Variants in FYB2 observed in about 807,000 individuals in gnomAD.
The protein encoded by FYB2 is FYN binding protein 2.
Under a neutral mutation model 94.1 loss-of-function variants are expected in FYB2, and 103 were observed. The ratio of observed to expected loss-of-function variants is 1.09; its 90% CI spans 0.93 to 1.29. FYB2 has a LOEUF of 1.29. FYB2 is among the 50% of genes most tolerant of loss of function. FYB2 has a pLI of 0.00. For missense variants in FYB2, 896 were observed against 841.5 expected, an observed-to-expected ratio of 1.06 and a Z score of -0.80; for synonymous variants, 293 against 287.9, an observed-to-expected ratio of 1.02 and a Z score of -0.18.
In FYB2 at chr1:56,753,705, C is replaced by T. The variant is rs186674759; in HGVS notation, c.1227+134G>A. 24 of 634,682 alleles carry T rather than the reference C, an allele frequency of 3.8e-5. No homozygotes were observed. In the Admixed American group the frequency reaches 6.4e-4, roughly 17 times the overall value. 39.3% of individuals were successfully genotyped at this position (634,682 alleles called of 1,614,324 possible). On this transcript the variant is annotated intron_variant, in intron 8 of 19. Coordinates refer to ENST00000343433, the MANE Select transcript of FYB2 (RefSeq NM_001004303.5). ...TTAGTGTCATTGTTACATTTATTTCCTTGATACAATATCAAATGCCCATTG... is the reference window on the plus strand; with the variant it reads ...TTAGTGTCATTGTTACATTTATTTCTTTGATACAATATCAAATGCCCATTG...
intron 15 of FYB2, among the ~76,000 whole-genome samples, chr1:56,731,653 G>C (rs17114239): frequency 0.017 from 2,586 of 152,132 alleles, 74 homozygotes; most frequent in African/African-American, 0.059. Flanking sequence ...CAGACCACCA[G>C]GAACATGCCT....
chr1:56,738,647 A>C lies in FYB2; in HGVS notation c.1710T>G (p.Phe570Leu). The change falls in exon 14 of 20, where the codon TTT becomes TTG. Residue 570 changes from phenylalanine to leucine, a missense_variant. By Grantham distance (22) the Phe-to-Leu change is conservative. Transcript: ENST00000343433. ...TACCTAAATCAGGCAGCAAAATGGA[A>C]AATGCACTGTTGATTGACAAAAGAC... ...KTKSKENLSA[F>L]SILLPDLELK... The C allele has an allele frequency of 6.2e-7, 1 of 1,611,010 alleles. No homozygotes were observed. Among genetic ancestry groups the C allele is most frequent in the Non-Finnish European group, 8.5e-7 (1 of 1,178,382 alleles).
chr1:56,733,627 G>A (rs1035275810), intron 15 of FYB2, among the ~76,000 whole-genome samples: 19 of 152,106 alleles, frequency 1.2e-4, no homozygotes, highest in East Asian at 3.9e-4. Context: ...ATTCTGGTAC[G>A]TTGTGTCTTT....
At chr1:56,811,764 CA>C (rs5774305) in intron 1 of FYB2, among the ~76,000 whole-genome samples, 29,984 of 151,854 alleles carry the variant, frequency 0.2, 3,264 homozygotes, top group East Asian at 0.45. Context: ...ACCAAACAAA[CA>C]AACAAACAAA....
intron 15 of FYB2, among the ~76,000 whole-genome samples, chr1:56,728,794 G>A (rs933529275): frequency 1.3e-5 from 2 of 152,070 alleles, no homozygotes; most frequent in Non-Finnish European, 2.9e-5. Flanking sequence ...AAATTCCAAT[G>A]TGTAATTATA....
the FYB2 span, among the ~76,000 whole-genome samples, chr1:56,826,407 G>T: frequency 6.6e-6 from 1 of 152,170 alleles, no homozygotes; most frequent in Admixed American, 6.5e-5. Context: ...TCAGCCCCTT[G>T]GTGCTTCTCC....
At chr1:56,742,122 A>G (rs755450292) in intron 12 of FYB2, 39 bp downstream of exon 12, 28 of 1,551,160 alleles carry the variant, frequency 1.8e-5, no homozygotes, top group Non-Finnish European at 2.1e-5. Context: ...ACTAACAGGA[A>G]GTCATTAGCC....
intron 17 of FYB2, 156 bp from the exon 18 acceptor site, chr1:56,720,485 C>T (rs1304123017): frequency 5.4e-6 from 3 of 554,768 alleles, no homozygotes; most frequent in Non-Finnish European, 8.4e-6. Context: ...GGAAAGTATG[C>T]AGTTAAAGGA....
upstream of FYB2, among the ~76,000 whole-genome samples, chr1:56,822,690 A>C (rs187991441): frequency 2.2e-4 from 34 of 151,970 alleles, 1 homozygote; most frequent in Admixed American, 1.9e-3. Context: ...TCTCTCAGCA[A>C]ACATATTACT....
intron 5 of FYB2, among the ~76,000 whole-genome samples, chr1:56,762,824 G>C (rs1482178139): frequency 1.3e-5 from 2 of 152,176 alleles, no homozygotes; most frequent in Non-Finnish European, 2.9e-5. Flanking sequence ...CCGGTAGTAG[G>C]GGAAAAGCAT....
chr1:56,739,992 C>T (rs774468682), intron 13 of FYB2, among the ~76,000 whole-genome samples: 10 of 152,054 alleles, frequency 6.6e-5, no homozygotes, highest in African/African-American at 9.7e-5. Context: ...GCCTGCAAAG[C>T]GTCTCCAGGG....
upstream of FYB2, among the ~76,000 whole-genome samples, chr1:56,822,268 G>T (rs1382615341): frequency 6.6e-6 from 1 of 152,194 alleles, no homozygotes; most frequent in Non-Finnish European, 1.5e-5. Context: ...ATCCAGGAAG[G>T]CTGACTTCAG....
chr1:56,731,439 C>T (rs1644707870), intron 15 of FYB2, among the ~76,000 whole-genome samples: 1 of 152,092 alleles, frequency 6.6e-6, no homozygotes, highest in African/African-American at 2.4e-5. Flanking sequence ...TTCTGCCTCC[C>T]AAAGAGCTAG....
At chr1:56,768,498 T>C (rs1280278578) in intron 4 of FYB2, among the ~76,000 whole-genome samples, 2 of 151,998 alleles carry the variant, frequency 1.3e-5, no homozygotes, top group African/African-American at 4.8e-5. Context: ...ACTGAAAGAG[T>C]CACCAATGAG....
chr1:56,819,487 C>G (rs550221520), upstream of FYB2: 15 of 698,996 alleles, frequency 2.1e-5, no homozygotes, highest in Non-Finnish European at 3.3e-5. Flanking sequence ...CAGGGCCGGC[C>G]GCCATCCTCC....
chr1:56,756,845 T>A (rs1016231979), intron 6 of FYB2, among the ~76,000 whole-genome samples: 20 of 151,962 alleles, frequency 1.3e-4, no homozygotes, highest in African/African-American at 4.8e-4. Context: ...TTTGACCACA[T>A]GAAAAACTCA....
intron 5 of FYB2, among the ~76,000 whole-genome samples, chr1:56,760,335 T>C (rs1645462053): frequency 6.6e-6 from 1 of 152,184 alleles, no homozygotes; most frequent in African/African-American, 2.4e-5. Flanking sequence ...GCTTTTATTA[T>C]TCTAAACATA....
intron 11 of FYB2, among the ~76,000 whole-genome samples, chr1:56,743,628 T>C (rs2100631068): frequency 6.6e-6 from 1 of 152,024 alleles, no homozygotes; most frequent in South Asian, 2.1e-4. Context: ...TTGAGTACAG[T>C]GTGAGATGAG....
intron 1 of FYB2, among the ~76,000 whole-genome samples, chr1:56,813,219 T>A (rs1262623949): frequency 1.3e-5 from 2 of 152,212 alleles, no homozygotes; most frequent in East Asian, 3.8e-4. Context: ...AGTCCGTTCT[T>A]ACGCTGCTAA....
Sources: allele counts gnomAD v4.1 joint callset (sites outside exome capture counted in the v4.1 genomes callset), GRCh38; gene constraint gnomAD v4.1.1; transcripts MANE v1.5; gene names NCBI Gene and HGNC (gene_info 2026-07-23, HGNC 2026-07-21).